ALX1: variants seen among roughly 807,000 people sequenced by gnomAD.
The protein encoded by ALX1 is ALX homeobox 1, also known as ALX homeobox protein 1.
A neutral mutation model predicts 31.7 loss-of-function variants in ALX1; 19 were observed. The ratio of observed to expected loss-of-function variants is 0.60; its 90% confidence interval spans 0.42 to 0.88. ALX1 has a LOEUF of 0.88. ALX1 is among the 40% of genes least tolerant of loss of function. The pLI, the probability that ALX1 is intolerant of heterozygous loss-of-function variation, is 0.00. For missense variants in ALX1, 415 were observed against 407.8 expected (o/e 1.02, Z -0.15); for synonymous variants, 153 against 148.8 (o/e 1.03, Z -0.20).
At chr12:85,282,655 G>A (rs953966426) in intron 1 of ALX1, among the ~76,000 whole-genome samples, 2 of 152,032 alleles carry the variant, frequency 1.3e-5, no homozygotes, top group Non-Finnish European at 2.9e-5. Context: ...TGGGTGTTTG[G>A]CATTATATGA....
chr12:85,287,004 C>G (rs1390465046), intron 3 of ALX1, 23 bp downstream of exon 3: 57 of 1,610,424 alleles, frequency 3.5e-5, no homozygotes, highest in Non-Finnish European at 4.8e-5. Flanking sequence ...ACACAGAATA[C>G]TGATCAAGAA....
intron 2 of ALX1, among the ~76,000 whole-genome samples, chr12:85,285,817 T>G (rs1896739932): frequency 6.6e-6 from 1 of 151,976 alleles, no homozygotes. Context: ...TCCCAAAAGC[T>G]ACTCCTATAA....
chr12:85,296,791 A>T (rs1896894476), intron 3 of ALX1, among the ~76,000 whole-genome samples: 1 of 150,304 alleles, frequency 6.7e-6, no homozygotes, highest in Admixed American at 6.7e-5. Context: ...TCTGGTTGTA[A>T]AGCCCTTGAA....
chr12:85,296,439 C>T (rs949255510), intron 3 of ALX1, among the ~76,000 whole-genome samples: 5 of 151,456 alleles, frequency 3.3e-5, no homozygotes, highest in African/African-American at 7.3e-5. Context: ...AAACTTTTCT[C>T]TAAAATTCCA....
intron 3 of ALX1, among the ~76,000 whole-genome samples, chr12:85,294,180 CTATT>C (rs1896855279): frequency 6.6e-6 from 1 of 151,024 alleles, no homozygotes; most frequent in African/African-American, 2.4e-5. Context: ...ATATTCTAAG[CTATT>C]TATGCATAAA....
intron 1 of ALX1, 89 bp from the exon 2 acceptor site, chr12:85,283,483 T>G: frequency 7.3e-7 from 1 of 1,378,790 alleles, no homozygotes; most frequent in Non-Finnish European, 1.0e-6. Context: ...GGCCAATTTC[T>G]TGATACTCTC....
rs115440539 is a variant in ALX1, at chr12:85,280,443, A to G, written c.182A>G (p.His61Arg). Residue 61 changes from histidine (H) to arginine (R), a missense_variant, in exon 1 of 4, where the codon CAT (histidine) becomes CGT (arginine). Coordinates refer to ENST00000316824, the MANE Select transcript of ALX1 (RefSeq NM_006982.3). The stretch of plus-strand genomic sequence containing the variant: ...TTCGGACCCCTGCCCCGCGCCGAGC[A>G]TCACGTGCGCTTGGAGAGGACCTCG... Reference protein sequence around the residue: ...QAFGPLPRAEHHVRLERTSPC... With the variant: ...QAFGPLPRAERHVRLERTSPC... 0.011 allele frequency: 17,335 copies of G among 1,612,180 alleles called. 123 individuals carry two copies. Among genetic ancestry groups the G allele is most frequent in the Middle Eastern group, 0.017 (82 of 4,908 alleles).
At chr12:85,300,929 A>C (rs1177108058) in intron 3 of ALX1, among the ~76,000 whole-genome samples, 1 of 152,122 alleles carries the variant, frequency 6.6e-6, no homozygotes, top group South Asian at 2.1e-4. Context: ...GTTTGAGAGT[A>C]CGTTATGTGG....
intron 3 of ALX1, among the ~76,000 whole-genome samples, chr12:85,299,981 T>C (rs528620453): frequency 1.3e-5 from 2 of 152,056 alleles, no homozygotes; most frequent in South Asian, 4.1e-4. Context: ...AGTCCAAATG[T>C]ATTATAATAA....
intron 3 of ALX1, among the ~76,000 whole-genome samples, chr12:85,293,577 G>T (rs1896847468): frequency 6.6e-6 from 1 of 150,928 alleles, no homozygotes. Context: ...TTTTGAAAAT[G>T]TAATATTCTA....
chr12:85,283,613 A>G lies in ALX1; in HGVS notation c.268A>G (p.Thr90Ala). The change falls in exon 2 of 4, where the codon ACC (threonine) becomes GCC (alanine). Residue 90 changes from threonine to alanine, a missense_variant. This residue lies in a region of ALX1 where 235 missense variants were observed against 208.9 expected (regional missense o/e 1.13). Coordinates refer to ENST00000316824, the MANE Select transcript of ALX1 (RefSeq NM_006982.3). Reference protein sequence around the residue: ...ITKVEGQPLHTELNRAMDNCN... With the variant: ...ITKVEGQPLHAELNRAMDNCN... ...TAAAGTAGAAGGACAGCCCCTTCAC[A>G]CCGAACTGAATAGAGCTATGGACAA... 1 of 1,614,134 alleles carries G rather than the reference A, an allele frequency of 6.2e-7. No homozygotes were observed. Among genetic ancestry groups the G allele is most frequent in the Non-Finnish European group, 8.5e-7 (1 of 1,180,000 alleles).
intron 3 of ALX1, among the ~76,000 whole-genome samples, chr12:85,293,105 T>C (rs1896840162): frequency 6.6e-6 from 1 of 150,572 alleles, no homozygotes; most frequent in Non-Finnish European, 1.5e-5. Context: ...TATTGCACAA[T>C]TTGTCACTGA....
intron 3 of ALX1, 113 bp from the exon 4 acceptor site, chr12:85,301,042 A>C: frequency 8.9e-7 from 1 of 1,129,390 alleles, no homozygotes; most frequent in Non-Finnish European, 1.3e-6. Flanking sequence ...CAGACCACCC[A>C]ATAGGAGCAA....
At chr12:85,295,632 AT>A (rs1013915746) in intron 3 of ALX1, among the ~76,000 whole-genome samples, 1 of 151,548 alleles carries the variant, frequency 6.6e-6, no homozygotes, top group Non-Finnish European at 1.5e-5. Flanking sequence ...TAAATCTCTG[AT>A]CTCTGTCTTT....
intron 2 of ALX1, 134 bp downstream of exon 2, chr12:85,284,010 GA>G (rs1896715593): frequency 1.0e-6 from 1 of 967,742 alleles, no homozygotes; most frequent in Non-Finnish European, 1.5e-6. Context: ...TAATATATAT[GA>G]ATATATGTCT....
At chr12:85,292,872 A>G (rs916587603) in intron 3 of ALX1, among the ~76,000 whole-genome samples, 43 of 150,892 alleles carry the variant, frequency 2.8e-4, no homozygotes, top group African/African-American at 1.0e-3. Context: ...CTTTGGAGAA[A>G]ATATAATTTT....
chr12:85,299,411 T>C (rs1896932814), intron 3 of ALX1, among the ~76,000 whole-genome samples: 1 of 151,580 alleles, frequency 6.6e-6, no homozygotes, highest in African/African-American at 2.4e-5. Flanking sequence ...AATTAGAACA[T>C]AGCCTGAGAC....
At chr12:85,284,122 C>T (rs1896717284) in intron 2 of ALX1, among the ~76,000 whole-genome samples, 1 of 150,932 alleles carries the variant, frequency 6.6e-6, no homozygotes, top group Non-Finnish European at 1.5e-5. Context: ...AACAATCATT[C>T]AAACATAACA....
At chr12:85,299,460 T>G (rs1896933619) in intron 3 of ALX1, among the ~76,000 whole-genome samples, 1 of 151,470 alleles carries the variant, frequency 6.6e-6, no homozygotes, top group Admixed American at 6.6e-5. Context: ...CATATATATA[T>G]ATAAAATATA....
Sources: gnomAD v4.1 joint callset for allele counts (sites outside exome capture counted in the v4.1 genomes callset) on GRCh38, gnomAD v4.1.1 for gene constraint, gnomAD v4.1.1 regional missense constraint, MANE v1.5 for transcripts, NCBI Gene and HGNC (gene_info 2026-07-23, HGNC 2026-07-21) for gene names.